Variants in MALRD1 observed in about 807,000 individuals in gnomAD.
The protein encoded by MALRD1 is MAM and LDL-receptor class A domain-containing protein 1.
A neutral mutation model predicts 242.1 loss-of-function variants in MALRD1; 247 were observed. That is an observed-to-expected ratio of 1.02 (90% CI 0.92 to 1.13). The LOEUF (loss-of-function observed/expected upper bound fraction) is 1.13, where lower values mean the gene tolerates loss of function less well. Among genes scored for constraint, MALRD1 ranks in the 50% most tolerant of loss-of-function variants. The probability of loss-of-function intolerance (pLI) is 0.00; values close to 1 mark genes in which losing one functional copy is unlikely to be tolerated. For missense variants in MALRD1, 2,989 were observed against 2,533.1 expected (o/e 1.18, Z -3.86); for synonymous variants, 995 against 866.6 (o/e 1.15, Z -2.60).
Position 19,171,721 on chromosome 10 carries a change from C to CGTATATACGTATATATACGT in MALRD1, c.1831-3470_1831-3469insCGTGTATATACGTATATATA, listed in dbSNP as rs1554803265. ...GTGTGTGTATATATACGTATATACA[C>CGTATATACGTATATATACGT]GTATATACGTATATATATCATATAA... On this transcript the variant is annotated intron_variant, in intron 13 of 39. Coordinates refer to ENST00000454679, the MANE Select transcript of MALRD1 (RefSeq NM_001142308.3). 4.0e-3 allele frequency among the ~76,000 whole-genome samples: 506 copies of CGTATATACGTATATATACGT among 125,754 alleles called. 43 individuals carry two copies. The highest frequency in any genetic ancestry group is 0.013 in the African/African-American group (451 of 33,426). 82.5% of individuals were successfully genotyped at this position (125,754 alleles called of 152,430 possible).
chr10:19,515,544 TC>T (rs1258511427), intron 31 of MALRD1, among the ~76,000 whole-genome samples: 2 of 151,702 alleles, frequency 1.3e-5, no homozygotes, highest in East Asian at 1.9e-4. Flanking sequence ...CTCAACTTTC[TC>T]TTTTTTTTAA....
At chr10:19,574,530 G>A (rs951255754) in intron 33 of MALRD1, among the ~76,000 whole-genome samples, 11 of 152,138 alleles carry the variant, frequency 7.2e-5, no homozygotes, top group African/African-American at 2.7e-4. Flanking sequence ...GAGAGAGAAT[G>A]AATTTTGTGA....
chr10:19,486,005 G>T (rs1259066422), intron 29 of MALRD1, among the ~76,000 whole-genome samples: 1 of 151,974 alleles, frequency 6.6e-6, no homozygotes, highest in Non-Finnish European at 1.5e-5. Flanking sequence ...AGAAAATATT[G>T]TGTATATGTT....
At chr10:19,098,235 C>T (rs1484769963) in intron 4 of MALRD1, among the ~76,000 whole-genome samples, 1 of 152,132 alleles carries the variant, frequency 6.6e-6, no homozygotes, top group African/African-American at 2.4e-5. Context: ...CTATAATTTT[C>T]ACGTTGAATG....
At chr10:19,584,356 G>A (rs995985399) in intron 33 of MALRD1, among the ~76,000 whole-genome samples, 1 of 152,010 alleles carries the variant, frequency 6.6e-6, no homozygotes, top group African/African-American at 2.4e-5. Flanking sequence ...TCTCTTGTGG[G>A]CATTTAGTGC....
At chr10:19,124,731 G>T in intron 7 of MALRD1, 61 bp downstream of exon 7, 1 of 1,212,504 alleles carries the variant, frequency 8.2e-7, no homozygotes, top group Non-Finnish European at 1.0e-6. Context: ...ATGGTGACTA[G>T]TTATAAGACA....
At chr10:19,628,457 T>G (rs1589329104) in intron 36 of MALRD1, among the ~76,000 whole-genome samples, 1 of 152,132 alleles carries the variant, frequency 6.6e-6, no homozygotes. Context: ...ATAGAAGATA[T>G]AAATCCTGAC....
chr10:19,521,968 TA>T (rs11320376), intron 31 of MALRD1, among the ~76,000 whole-genome samples: 37,753 of 152,014 alleles, frequency 0.25, 7,493 homozygotes, highest in African/African-American at 0.56. Flanking sequence ...TATGTTTTCA[TA>T]ATCTTTGCAT....
At chr10:19,128,449 AACTT>A in intron 8 of MALRD1, 62 bp downstream of exon 8, 4 of 1,145,976 alleles carry the variant, frequency 3.5e-6, no homozygotes, top group East Asian at 6.4e-5. Context: ...AACTCTTGGC[AACTT>A]GTGTTTCGAT....
chr10:19,520,608 G>A (rs1171576200), intron 31 of MALRD1, among the ~76,000 whole-genome samples: 1 of 152,208 alleles, frequency 6.6e-6, no homozygotes, highest in African/African-American at 2.4e-5. Context: ...AGGAATAAAT[G>A]ATAGCCATTG....
intron 29 of MALRD1, among the ~76,000 whole-genome samples, chr10:19,475,908 T>C (rs1024747185): frequency 6.6e-6 from 1 of 152,230 alleles, no homozygotes; most frequent in Non-Finnish European, 1.5e-5. Context: ...TAAAACCTCA[T>C]GTTTGGGAAA....
chr10:19,346,205 A>G (rs1300767673), intron 24 of MALRD1, among the ~76,000 whole-genome samples: 1 of 152,202 alleles, frequency 6.6e-6, no homozygotes, highest in African/African-American at 2.4e-5. Flanking sequence ...AGAAACAAAC[A>G]AACAAAAACC....
chr10:19,362,679 G>T (rs1478533709), intron 26 of MALRD1, among the ~76,000 whole-genome samples: 1 of 152,082 alleles, frequency 6.6e-6, no homozygotes, highest in Admixed American at 6.6e-5. Flanking sequence ...TACTACAAGG[G>T]CTTTGGTTTT....
At chr10:19,555,050 A>G (rs565384038) in intron 32 of MALRD1, among the ~76,000 whole-genome samples, 2 of 152,238 alleles carry the variant, frequency 1.3e-5, no homozygotes, top group South Asian at 2.1e-4. Flanking sequence ...CCTCTCCAGC[A>G]TCTGTTGTTT....
At chr10:19,368,384 C>CA (rs1281635318) in intron 26 of MALRD1, among the ~76,000 whole-genome samples, 2 of 152,034 alleles carry the variant, frequency 1.3e-5, no homozygotes, top group African/African-American at 2.4e-5. Context: ...TGTCCTTTCT[C>CA]CAGTGTCTAT....
intron 32 of MALRD1, among the ~76,000 whole-genome samples, chr10:19,561,094 A>G (rs1835943877): frequency 6.6e-6 from 1 of 152,182 alleles, no homozygotes; most frequent in Admixed American, 6.5e-5. Context: ...AATTTATAAT[A>G]AAAAGAAAAT....
At chr10:19,396,972 C>G (rs7095630) in intron 28 of MALRD1, among the ~76,000 whole-genome samples, 1 of 152,044 alleles carries the variant, frequency 6.6e-6, no homozygotes, top group South Asian at 2.1e-4. Flanking sequence ...TTATTTTTAA[C>G]TGACATAATA....
chr10:19,198,656 C>A (rs1836372816), intron 14 of MALRD1, among the ~76,000 whole-genome samples: 1 of 152,096 alleles, frequency 6.6e-6, no homozygotes, highest in African/African-American at 2.4e-5. Context: ...GAATTGTCTA[C>A]CAATAATAAC....
At chr10:19,520,104 C>T (rs753100046) in intron 31 of MALRD1, among the ~76,000 whole-genome samples, 12 of 152,100 alleles carry the variant, frequency 7.9e-5, no homozygotes, top group African/African-American at 1.4e-4. Context: ...GAGTCGTTCA[C>T]GGAAGAGGAA....
Sources: gnomAD v4.1 joint callset for allele counts (sites outside exome capture counted in the v4.1 genomes callset) on GRCh38, gnomAD v4.1.1 for gene constraint, MANE v1.5 for transcripts, NCBI Gene and HGNC (gene_info 2026-07-23, HGNC 2026-07-21) for gene names.